Variants in ANKS1B observed in about 807,000 individuals in gnomAD.
ANKS1B encodes ankyrin repeat and sterile alpha motif domain-containing protein 1B.
Under a neutral mutation model 148.3 loss-of-function variants are expected in ANKS1B, and 36 were observed. The ratio of observed to expected loss-of-function variants is 0.24; its 90% CI spans 0.19 to 0.32. ANKS1B has a LOEUF of 0.32. Ranked by LOEUF, ANKS1B falls within the 10% of genes least tolerant of loss-of-function variation. The pLI, the probability that ANKS1B is intolerant of heterozygous loss-of-function variation, is 1.00. For synonymous variants in ANKS1B, 542 were observed against 560.8 expected, an observed-to-expected ratio of 0.97 and a Z score of 0.47; for missense variants, 1,157 against 1,542.6, an observed-to-expected ratio of 0.75 and a Z score of 4.19.
intron 8 of ANKS1B, among the ~76,000 whole-genome samples, chr12:99,664,491 C>T (rs2098495908): frequency 6.6e-6 from 1 of 151,878 alleles, no homozygotes; most frequent in Non-Finnish European, 1.5e-5. Flanking sequence ...GTAGAATCCT[C>T]CACAGTCAGC....
chr12:99,466,676 C>T (rs1054069131), intron 10 of ANKS1B, among the ~76,000 whole-genome samples: 4 of 151,940 alleles, frequency 2.6e-5, no homozygotes, highest in African/African-American at 9.7e-5. Context: ...TGCAAATAAA[C>T]TAGAAAATCT....
At chr12:99,469,281 G>A (rs533922672) in intron 10 of ANKS1B, among the ~76,000 whole-genome samples, 34 of 124,210 alleles carry the variant, frequency 2.7e-4, no homozygotes, top group African/African-American at 9.9e-4. Context: ...CACACTCTGG[G>A]GACTGTTGTG....
intron 9 of ANKS1B, among the ~76,000 whole-genome samples, chr12:99,575,434 T>C (rs2097506717): frequency 6.6e-6 from 1 of 152,070 alleles, no homozygotes; most frequent in Non-Finnish European, 1.5e-5. Flanking sequence ...TTAGTCTGTT[T>C]TCACACTGCT....
At chr12:98,893,488 T>A (rs1448455791) in intron 17 of ANKS1B, 4 of 152,244 alleles carry the variant, frequency 2.6e-5, no homozygotes. Context: ...AGAAGAGAAC[T>A]AGACTCTCTT....
chr12:98,782,858 T>A (rs1047498732), intron 22 of ANKS1B, among the ~76,000 whole-genome samples: 3 of 149,618 alleles, frequency 2.0e-5, no homozygotes, highest in South Asian at 4.1e-4. Flanking sequence ...AAATAAAATA[T>A]AAGGTTAGAA....
chr12:99,681,586 A>C (rs2098617754), intron 8 of ANKS1B, among the ~76,000 whole-genome samples: 1 of 152,196 alleles, frequency 6.6e-6, no homozygotes. Flanking sequence ...CAGAAGAGAA[A>C]TAACAATCAC....
chr12:99,729,126 A>G (rs908504646), intron 8 of ANKS1B, among the ~76,000 whole-genome samples: 4 of 152,220 alleles, frequency 2.6e-5, no homozygotes, highest in African/African-American at 9.6e-5. Flanking sequence ...TTACAATATG[A>G]ACATCTCTGA....
chr12:99,328,873 T>C (rs1481790305), intron 12 of ANKS1B, among the ~76,000 whole-genome samples: 1 of 151,750 alleles, frequency 6.6e-6, no homozygotes, highest in Non-Finnish European at 1.5e-5. Flanking sequence ...TTTTAAAAGA[T>C]AAGTAGAGAT....
At chr12:99,593,986 A>G (rs1364824223) in intron 9 of ANKS1B, among the ~76,000 whole-genome samples, 1 of 152,022 alleles carries the variant, frequency 6.6e-6, no homozygotes, top group African/African-American at 2.4e-5. Context: ...GACAGAGAGC[A>G]GCAAAGCACA....
At chr12:99,348,321 T>C (rs1278931278) in intron 12 of ANKS1B, among the ~76,000 whole-genome samples, 4 of 151,780 alleles carry the variant, frequency 2.6e-5, no homozygotes, top group Non-Finnish European at 4.4e-5. Context: ...TCACTTTTCT[T>C]ATATATTCTT....
intron 19 of ANKS1B, among the ~76,000 whole-genome samples, chr12:98,814,722 T>C (rs1452361048): frequency 1.3e-5 from 2 of 152,208 alleles, no homozygotes; most frequent in Admixed American, 6.5e-5. Flanking sequence ...TCACATATAT[T>C]GCAAAGCCTC....
chr12:98,750,214 G>A (rs1008766927), intron 26 of ANKS1B, among the ~76,000 whole-genome samples: 2 of 152,182 alleles, frequency 1.3e-5, no homozygotes, highest in Non-Finnish European at 2.9e-5. Context: ...GGAGGACCAG[G>A]GGCTCAGAGC....
At chr12:98,893,073 A>T (rs1325131021) in intron 17 of ANKS1B, among the ~76,000 whole-genome samples, 3 of 152,152 alleles carry the variant, frequency 2.0e-5, no homozygotes, top group Non-Finnish European at 2.9e-5. Context: ...AGGTTTTTTT[A>T]AAAAATATTT....
At chr12:99,627,253 GT>G (rs2098119672) in intron 9 of ANKS1B, among the ~76,000 whole-genome samples, 1 of 151,958 alleles carries the variant, frequency 6.6e-6, no homozygotes, top group African/African-American at 2.4e-5. Context: ...ACCTTTTTAT[GT>G]TTACTTATTA....
chr12:99,056,228 TGC>T (rs1272564140), intron 16 of ANKS1B, among the ~76,000 whole-genome samples: 1 of 152,230 alleles, frequency 6.6e-6, no homozygotes, highest in Non-Finnish European at 1.5e-5. Context: ...AATTAAAATA[TGC>T]AAACAGATGA....
chr12:98,970,358 TG>T (rs1161117754), intron 17 of ANKS1B, among the ~76,000 whole-genome samples: 1 of 152,194 alleles, frequency 6.6e-6, no homozygotes, highest in Non-Finnish European at 1.5e-5. Context: ...AAAATTTACC[TG>T]GGCAATGGTA....
At chr12:99,213,048 C>T (rs2153919461) in intron 14 of ANKS1B, among the ~76,000 whole-genome samples, 1 of 152,338 alleles carries the variant, frequency 6.6e-6, no homozygotes, top group East Asian at 1.9e-4. Context: ...TACCATCCCA[C>T]ATTCCTTCTT....
intron 17 of ANKS1B, among the ~76,000 whole-genome samples, chr12:98,919,421 C>T (rs1028083045): frequency 9.2e-5 from 14 of 152,122 alleles, no homozygotes; most frequent in South Asian, 2.1e-4. Flanking sequence ...TGATCAAGGG[C>T]GGAGATGCCA....
chr12:99,008,334 C>A (rs1331058331), intron 17 of ANKS1B, among the ~76,000 whole-genome samples: 1 of 152,114 alleles, frequency 6.6e-6, no homozygotes, highest in Non-Finnish European at 1.5e-5. Context: ...TCCCTTCTTT[C>A]CTTCCTTTCT....
Sources: gnomAD v4.1 joint callset for allele counts (sites outside exome capture counted in the v4.1 genomes callset) on GRCh38, gnomAD v4.1.1 for gene constraint, MANE v1.5 for transcripts, NCBI Gene and HGNC (gene_info 2026-07-23, HGNC 2026-07-21) for gene names.